WWOX: variants seen among roughly 807,000 people sequenced by gnomAD.
WWOX encodes the protein WW domain-containing oxidoreductase.
Under a neutral mutation model 46.2 loss-of-function variants are expected in WWOX, and 69 were observed. That is an observed-to-expected ratio of 1.49 (90% CI 1.23 to 1.82). The LOEUF (loss-of-function observed/expected upper bound fraction) is 1.82. WWOX is among the 40% of genes most tolerant of loss of function. WWOX has a pLI of 0.00. For synonymous variants in WWOX, 359 were observed against 202.6 expected (o/e 1.77, Z -6.56); for missense variants, 919 against 542.6 (o/e 1.69, Z -6.89).
chr16:78,718,983 C>T (rs1055620431), intron 8 of WWOX, among the ~76,000 whole-genome samples: 4 of 152,004 alleles, frequency 2.6e-5, no homozygotes, highest in African/African-American at 7.2e-5. Flanking sequence ...TTTTTTGAGT[C>T]TGTAAGATCC....
intron 5 of WWOX, among the ~76,000 whole-genome samples, chr16:78,363,018 G>T (rs979803515): frequency 6.6e-6 from 1 of 152,132 alleles, no homozygotes; most frequent in Non-Finnish European, 1.5e-5. Flanking sequence ...GTGTAGGGGA[G>T]AAGACTTTCC....
At chr16:79,210,012 C>A (rs2051665218) in intron 8 of WWOX, among the ~76,000 whole-genome samples, 1 of 152,162 alleles carries the variant, frequency 6.6e-6, no homozygotes, top group Non-Finnish European at 1.5e-5. Flanking sequence ...GGGGAGGTAA[C>A]AAACCAGCTA....
intron 8 of WWOX, among the ~76,000 whole-genome samples, chr16:78,799,835 A>G (rs1171215650): frequency 1.3e-5 from 2 of 152,246 alleles, no homozygotes; most frequent in African/African-American, 2.4e-5. Flanking sequence ...TATACCCAAT[A>G]TACAAATTTT....
intron 8 of WWOX, 21 bp downstream of exon 8, chr16:78,432,773 G>A (rs199575390): frequency 9.9e-6 from 16 of 1,613,860 alleles, no homozygotes; most frequent in East Asian, 4.5e-5. Context: ...AGCTTCTGGC[G>A]CCGCAAACAC....
At chr16:78,316,089 TAAAA>T (rs112853696) in intron 5 of WWOX, among the ~76,000 whole-genome samples, 2,836 of 148,004 alleles carry the variant, frequency 0.019, 107 homozygotes, top group African/African-American at 0.067. Context: ...CTACTGAAAA[TAAAA>T]AAAAAATCAG....
chr16:78,206,459 T>C (rs1029925449), intron 5 of WWOX, among the ~76,000 whole-genome samples: 1 of 152,194 alleles, frequency 6.6e-6, no homozygotes, highest in Non-Finnish European at 1.5e-5. Flanking sequence ...GACCCCATTT[T>C]GGTCTTTACC....
rs138806967 is a variant in WWOX, at chr16:78,594,429, GCCCC to G, written c.1056+161690_1056+161693del. 1.0e-3 allele frequency among the ~76,000 whole-genome samples: 33 copies of G among 32,386 alleles called. 1 individual carries two copies. The highest frequency in any genetic ancestry group is 3.0e-3 in the African/African-American group (22 of 7,374). 21.2% of individuals were successfully genotyped at this position (32,386 alleles called of 152,430 possible). On this transcript the variant is annotated intron_variant, in intron 8 of 8. Transcript: ENST00000566780. ...TCTTGACGAAGAAGACTGAGGAAAG[GCCCC>G]CCCCCCCCCCCCGCCAAATTGTCCC... is the stretch of plus-strand genomic sequence containing the variant.
intron 6 of WWOX, among the ~76,000 whole-genome samples, chr16:78,408,112 C>T (rs1034771389): frequency 6.6e-6 from 1 of 152,130 alleles, no homozygotes; most frequent in African/African-American, 2.4e-5. Context: ...ACCCCACTTC[C>T]AAGTTGAAGA....
At chr16:78,615,642 C>A (rs1216561676) in intron 8 of WWOX, among the ~76,000 whole-genome samples, 1 of 151,728 alleles carries the variant, frequency 6.6e-6, no homozygotes, top group African/African-American at 2.4e-5. Flanking sequence ...GGCAACAGAG[C>A]AAGACCCCAT....
At chr16:78,908,848 T>C (rs1385184265) in intron 8 of WWOX, among the ~76,000 whole-genome samples, 1 of 152,198 alleles carries the variant, frequency 6.6e-6, no homozygotes, top group Non-Finnish European at 1.5e-5. Context: ...TCTAAAGTAC[T>C]GATGTTCGGT....
intron 8 of WWOX, among the ~76,000 whole-genome samples, chr16:79,002,276 T>C (rs546617831): frequency 8.0e-6 from 1 of 124,496 alleles, no homozygotes; most frequent in African/African-American, 3.1e-5. Context: ...CAGGCTGGAG[T>C]GCAATGGCGT....
chr16:78,367,102 C>G (rs2081552569), intron 5 of WWOX, among the ~76,000 whole-genome samples: 1 of 150,770 alleles, frequency 6.6e-6, no homozygotes, highest in Non-Finnish European at 1.5e-5. Flanking sequence ...GCCTCAGCCT[C>G]CTAAGTAGCT....
At chr16:79,003,180 A>G (rs990027624) in intron 8 of WWOX, among the ~76,000 whole-genome samples, 21 of 152,226 alleles carry the variant, frequency 1.4e-4, no homozygotes, top group African/African-American at 5.1e-4. Flanking sequence ...TGAGAGCCCA[A>G]TAAAACTAAG....
intron 8 of WWOX, among the ~76,000 whole-genome samples, chr16:79,108,893 C>T (rs2049361436): frequency 6.6e-6 from 1 of 151,678 alleles, no homozygotes; most frequent in African/African-American, 2.4e-5. Context: ...AGAGCAAGAC[C>T]TTGTCTCAAA....
intron 8 of WWOX, among the ~76,000 whole-genome samples, chr16:78,664,493 C>T (rs549741126): frequency 1.3e-5 from 2 of 152,308 alleles, no homozygotes; most frequent in African/African-American, 4.8e-5. Flanking sequence ...TCAAAGGATG[C>T]CCTTAGTCCT....
chr16:78,950,629 T>C (rs2046041494), intron 8 of WWOX, among the ~76,000 whole-genome samples: 1 of 151,932 alleles, frequency 6.6e-6, no homozygotes, highest in Admixed American at 6.6e-5. Context: ...AAAAATGACT[T>C]CCATTAAATA....
At chr16:78,157,591 T>C (rs1441839818) in intron 4 of WWOX, among the ~76,000 whole-genome samples, 1 of 152,252 alleles carries the variant, frequency 6.6e-6, no homozygotes, top group Non-Finnish European at 1.5e-5. Context: ...CTGATTTAAG[T>C]ATCAGAGGTC....
At chr16:78,457,081 C>T (rs1397233950) in intron 8 of WWOX, among the ~76,000 whole-genome samples, 1 of 152,202 alleles carries the variant, frequency 6.6e-6, no homozygotes, top group African/African-American at 2.4e-5. Context: ...TTTGAATCTT[C>T]TGTGCCGTTA....
At chr16:79,093,767 A>T (rs556175616) in intron 8 of WWOX, among the ~76,000 whole-genome samples, 1 of 152,318 alleles carries the variant, frequency 6.6e-6, no homozygotes, top group African/African-American at 2.4e-5. Context: ...TTCTCCAATC[A>T]TTGATACTTT....
Sources: gnomAD v4.1 joint callset for allele counts (sites outside exome capture counted in the v4.1 genomes callset) on GRCh38, gnomAD v4.1.1 for gene constraint, MANE v1.5 for transcripts, NCBI Gene and HGNC (gene_info 2026-07-23, HGNC 2026-07-21) for gene names.